Variants in CENPK observed in about 807,000 individuals in gnomAD.
CENPK encodes the protein SoxLZ/Sox6-binding protein Solt.
CENPK carries 46 observed loss-of-function variants against 40.9 expected under a neutral mutation model. That is an observed-to-expected ratio of 1.13 (90% CI 0.89 to 1.44). The LOEUF is 1.44. Among genes scored for constraint, CENPK ranks in the 40% most tolerant of loss-of-function variants. The pLI, the probability that CENPK is intolerant of heterozygous loss-of-function variation, is 0.00. For missense variants in CENPK, 288 were observed against 303.5 expected (o/e 0.95, Z 0.38); for synonymous variants, 107 against 104.4 (o/e 1.02, Z -0.15).
At chr5:65,522,866 AAAAAAAG>A (rs1156505570) in intron 9 of CENPK, among the ~76,000 whole-genome samples, 1 of 152,248 alleles carries the variant, frequency 6.6e-6, no homozygotes, top group Non-Finnish European at 1.5e-5. Context: ...TACCAAAGAC[AAAAAAAG>A]AACACCCACT....
intron 5 of CENPK, among the ~76,000 whole-genome samples, chr5:65,546,733 A>C (rs913195750): frequency 7.2e-5 from 11 of 152,366 alleles, no homozygotes; most frequent in Middle Eastern, 3.4e-3. Flanking sequence ...AAGGAAGACC[A>C]TGTGAAGACA....
rs2150330126 is a variant in CENPK, at chr5:65,518,636, A to G, written c.652-3T>C. ...TCAAATAATCTATTTATAAGAATCT[A>G]GGAGAAAATATCATTCAAAATATAC... On this transcript the variant is annotated splice_region_variant and splice_polypyrimidine_tract_variant and intron_variant, in intron 10 of 10. Coordinates refer to ENST00000396679, the MANE Select transcript of CENPK (RefSeq NM_022145.5). The G allele has an allele frequency of 1.3e-6, 2 of 1,543,114 alleles. No homozygotes were observed. Among genetic ancestry groups the G allele is most frequent in the East Asian group, 4.5e-5 (2 of 44,228 alleles).
chr5:65,498,344 A>G, the CENPK span, among the ~76,000 whole-genome samples: 1 of 151,970 alleles, frequency 6.6e-6, no homozygotes, highest in African/African-American at 2.4e-5. Context: ...TGATTGCTTT[A>G]TTTATTACAT....
chr5:65,549,140 T>C (rs1345299234), intron 5 of CENPK, among the ~76,000 whole-genome samples: 2 of 152,208 alleles, frequency 1.3e-5, no homozygotes, highest in South Asian at 2.1e-4. Context: ...GAACATTAAA[T>C]TCCTTGTACA....
intron 5 of CENPK, among the ~76,000 whole-genome samples, chr5:65,546,481 G>A (rs539587782): frequency 1.1e-4 from 17 of 152,352 alleles, no homozygotes; most frequent in African/African-American, 3.8e-4. Context: ...GAGGTACAAA[G>A]ATACTTGAGT....
At chr5:65,526,669 G>T (rs1744761896) in intron 9 of CENPK, among the ~76,000 whole-genome samples, 1 of 152,142 alleles carries the variant, frequency 6.6e-6, no homozygotes, top group African/African-American at 2.4e-5. Flanking sequence ...TTACTAAAAG[G>T]ACACCTAGAG....
chr5:65,512,622 G>C, the CENPK span, among the ~76,000 whole-genome samples: 3 of 152,194 alleles, frequency 2.0e-5, no homozygotes, highest in African/African-American at 7.2e-5. Flanking sequence ...GCTATGTATA[G>C]TTACTAGACT....
chr5:65,537,397 C>T (rs528024213), intron 6 of CENPK, among the ~76,000 whole-genome samples: 2 of 152,296 alleles, frequency 1.3e-5, no homozygotes, highest in South Asian at 2.1e-4. Flanking sequence ...GTCCTCCTCC[C>T]GGGTTCACGC....
At chr5:65,497,038 CAA>C in the CENPK span, among the ~76,000 whole-genome samples, 2 of 151,810 alleles carry the variant, frequency 1.3e-5, no homozygotes, top group African/African-American at 4.8e-5. Flanking sequence ...GCCTGGGCGA[CAA>C]GAGTGAGACT....
chr5:65,552,101 A>G (rs1421972606), intron 4 of CENPK, among the ~76,000 whole-genome samples: 1 of 151,894 alleles, frequency 6.6e-6, no homozygotes. Flanking sequence ...CTGGGATCAT[A>G]TGACCACATC....
intron 5 of CENPK, 68 bp from the exon 6 acceptor site, chr5:65,542,916 T>G (rs992308667): frequency 1.4e-6 from 2 of 1,435,638 alleles, no homozygotes; most frequent in Non-Finnish European, 1.9e-6. Flanking sequence ...AGAATTTAAT[T>G]TTGCGGTTTT....
intron 2 of CENPK, among the ~76,000 whole-genome samples, chr5:65,556,417 G>T (rs2150542166): frequency 6.6e-6 from 1 of 152,260 alleles, no homozygotes; most frequent in East Asian, 1.9e-4. Context: ...CAAGGTTATA[G>T]TAAGCTATGA....
chr5:65,498,699 C>G, the CENPK span, among the ~76,000 whole-genome samples: 1 of 149,010 alleles, frequency 6.7e-6, no homozygotes, highest in African/African-American at 2.5e-5. Flanking sequence ...TCACTCCACC[C>G]AGGGTGGAGT....
rs1743091117 is a variant in CENPK at position 65,518,424 on chromosome 5, A to G, written c.*51T>C. ...TTATCCAAATAGTCCTGTGGTTCCAATATCCTTGAATGATAAGAATTTTTA... is the reference window on the plus strand; with the variant it reads ...TTATCCAAATAGTCCTGTGGTTCCAGTATCCTTGAATGATAAGAATTTTTA... On this transcript the variant is annotated 3_prime_UTR_variant, in exon 11 of 11. Transcript: ENST00000396679. 3 of 1,550,910 alleles carry G rather than the reference A, an allele frequency of 1.9e-6. No homozygotes were observed. Among genetic ancestry groups the G allele is most frequent in the Non-Finnish European group, 2.6e-6 (3 of 1,141,182 alleles).
rs766364592 is a variant in CENPK, at chr5:65,542,857, A to T, written c.242-9T>A. Reference sequence around the variant, plus strand: ...TTCAGTCAAGGGAATTGCTACAAAAACAAAACAAAACAAAGTTACACATAT... The same window carrying T: ...TTCAGTCAAGGGAATTGCTACAAAATCAAAACAAAACAAAGTTACACATAT... On this transcript the variant is annotated splice_polypyrimidine_tract_variant and intron_variant, in intron 5 of 10. Coordinates refer to ENST00000396679, the MANE Select transcript of CENPK (RefSeq NM_022145.5). 6.3e-7 allele frequency: 1 copy of T among 1,598,646 alleles called. No individual in the cohort carries two copies. Among genetic ancestry groups the T allele is most frequent in the South Asian group, 1.1e-5 (1 of 88,054 alleles).
downstream of CENPK, among the ~76,000 whole-genome samples, chr5:65,516,107 C>T (rs113815427): frequency 6.2e-4 from 95 of 152,258 alleles, no homozygotes; most frequent in African/African-American, 2.3e-3. Context: ...TGTCTCCAAA[C>T]ACTATCGCAC....
chr5:65,552,203 C>T (rs1196440280), intron 4 of CENPK, among the ~76,000 whole-genome samples: 3 of 151,786 alleles, frequency 2.0e-5, no homozygotes, highest in Non-Finnish European at 4.4e-5. Context: ...AACAAGGCAG[C>T]GTAATAGCAA....
intron 2 of CENPK, among the ~76,000 whole-genome samples, chr5:65,560,145 AT>A (rs954899959): frequency 8.0e-5 from 12 of 150,824 alleles, no homozygotes; most frequent in African/African-American, 1.5e-4. Flanking sequence ...TTACACCAAA[AT>A]TTTTTTTTTA....
chr5:65,561,999 A>T (rs996522067), intron 1 of CENPK, among the ~76,000 whole-genome samples: 9 of 152,190 alleles, frequency 5.9e-5, no homozygotes, highest in Admixed American at 5.9e-4. Flanking sequence ...TAAATACATG[A>T]TATGATTTCA....
Sources: gnomAD v4.1 joint callset for allele counts (sites outside exome capture counted in the v4.1 genomes callset) on GRCh38, gnomAD v4.1.1 for gene constraint, MANE v1.5 for transcripts, NCBI Gene and HGNC (gene_info 2026-07-23, HGNC 2026-07-21) for gene names.